SLC24A2: variants seen among roughly 807,000 people sequenced by gnomAD.
SLC24A2 encodes sodium/potassium/calcium exchanger 2.
Under a neutral mutation model 62.0 loss-of-function variants are expected in SLC24A2, and 36 were observed. The ratio of observed to expected loss-of-function variants is 0.58; its 90% CI spans 0.44 to 0.77. The LOEUF is 0.77. Among genes scored for constraint, SLC24A2 ranks in the 30% least tolerant of loss-of-function variants. The pLI is 0.00. For missense variants in SLC24A2, 846 were observed against 817.9 expected (o/e 1.03, Z -0.42); for synonymous variants, 358 against 294.0 (o/e 1.22, Z -2.23).
chr9:19,707,933 G>C (rs1364635564), intron 2 of SLC24A2, among the ~76,000 whole-genome samples: 4 of 152,034 alleles, frequency 2.6e-5, no homozygotes, highest in Non-Finnish European at 5.9e-5. Flanking sequence ...GGAAATAAAG[G>C]GTATTCAATT....
rs1479998492 is a variant in SLC24A2 at position 19,665,473 on chromosome 9, C to T, written c.931-43174G>A. Reference sequence around the variant, plus strand: ...GAAGTTTATCATGATTGATCTAAACCTAATAGACTTCAATTGAAATGCATT... The same window carrying T: ...GAAGTTTATCATGATTGATCTAAACTTAATAGACTTCAATTGAAATGCATT... On this transcript the variant is annotated intron_variant, in intron 2 of 10. Transcript: ENST00000341998. Among the ~76,000 whole-genome samples the T allele has an allele frequency of 2.6e-5, 4 of 152,028 alleles. No homozygotes were observed. In the South Asian group the frequency reaches 6.2e-4, roughly 24 times the overall value.
chr9:19,517,516 C>T (rs1832988582), intron 10 of SLC24A2, among the ~76,000 whole-genome samples: 2 of 152,158 alleles, frequency 1.3e-5, no homozygotes, highest in Non-Finnish European at 1.5e-5. Flanking sequence ...AGGCAGAGCC[C>T]GTGCATTGTG....
intron 2 of SLC24A2, among the ~76,000 whole-genome samples, chr9:19,654,927 T>C (rs1022599638): frequency 2.0e-5 from 3 of 152,194 alleles, no homozygotes; most frequent in African/African-American, 7.2e-5. Context: ...ATGTGAGTGA[T>C]CATGCCCTCA....
chr9:19,831,715 G>C, the SLC24A2 span, among the ~76,000 whole-genome samples: 1 of 152,054 alleles, frequency 6.6e-6, no homozygotes, highest in African/African-American at 2.4e-5. Context: ...AAAGACTTCT[G>C]GTAGTGAGAA....
chr9:20,247,284 T>TA, the SLC24A2 span, among the ~76,000 whole-genome samples: 2 of 152,140 alleles, frequency 1.3e-5, no homozygotes, highest in Non-Finnish European at 2.9e-5. Context: ...CTATCATCCT[T>TA]ACGTAAGCAT....
At chr9:19,623,241 A>T (rs1474611618) in intron 2 of SLC24A2, among the ~76,000 whole-genome samples, 6 of 152,110 alleles carry the variant, frequency 3.9e-5, no homozygotes, top group Non-Finnish European at 8.8e-5. Flanking sequence ...CACCTTCGTC[A>T]CTTCACCTCA....
At chr9:19,829,810 T>TACACAC in the SLC24A2 span, among the ~76,000 whole-genome samples, 50 of 34,142 alleles carry the variant, frequency 1.5e-3, no homozygotes, top group Admixed American at 4.7e-3. Context: ...TATATATATA[T>TACACAC]ACACACACAC....
chr9:20,233,108 T>A, the SLC24A2 span, among the ~76,000 whole-genome samples: 2 of 152,196 alleles, frequency 1.3e-5, no homozygotes, highest in Admixed American at 6.5e-5. Flanking sequence ...TTATAATTTC[T>A]GTTCTTTTAC....
At chr9:19,799,146 C>T in the SLC24A2 span, among the ~76,000 whole-genome samples, 1 of 151,978 alleles carries the variant, frequency 6.6e-6, no homozygotes, top group East Asian at 1.9e-4. Flanking sequence ...TTCTTATATT[C>T]AATTTCTTTT....
At chr9:19,956,314 G>A in the SLC24A2 span, among the ~76,000 whole-genome samples, 3 of 152,166 alleles carry the variant, frequency 2.0e-5, no homozygotes, top group Admixed American at 2.0e-4. Context: ...AGCGCTACAG[G>A]CATCAAGAAG....
At chr9:20,088,458 G>T in the SLC24A2 span, among the ~76,000 whole-genome samples, 5 of 152,184 alleles carry the variant, frequency 3.3e-5, no homozygotes, top group African/African-American at 1.2e-4. Context: ...TTTTATGTGT[G>T]TCCCAGATCC....
At chr9:19,521,161 C>G in intron 9 of SLC24A2, 101 bp from the exon 10 acceptor site, 1 of 1,020,234 alleles carries the variant, frequency 9.8e-7, no homozygotes, top group Non-Finnish European at 1.5e-6. Flanking sequence ...CATTTCTATA[C>G]TGTGCTATGC....
intron 4 of SLC24A2, among the ~76,000 whole-genome samples, chr9:19,612,394 G>A (rs1422753829): frequency 6.6e-6 from 1 of 152,122 alleles, no homozygotes; most frequent in Non-Finnish European, 1.5e-5. Flanking sequence ...TGCCCAGGCT[G>A]CTCTTGTACT....
At chr9:20,257,079 C>T in the SLC24A2 span, among the ~76,000 whole-genome samples, 1 of 152,030 alleles carries the variant, frequency 6.6e-6, no homozygotes, top group Non-Finnish European at 1.5e-5. Flanking sequence ...ACTTTCAGCT[C>T]GTGTAAATGA....
the SLC24A2 span, among the ~76,000 whole-genome samples, chr9:20,029,585 G>T: frequency 1.4e-4 from 21 of 152,234 alleles, no homozygotes; most frequent in East Asian, 3.3e-3. Flanking sequence ...GATCTCAATG[G>T]AAAACAACCA....
chr9:20,099,455 G>C, the SLC24A2 span, among the ~76,000 whole-genome samples: 1 of 152,122 alleles, frequency 6.6e-6, no homozygotes, highest in African/African-American at 2.4e-5. Context: ...TTGTTCACCA[G>C]ACTGATGAAA....
At chr9:20,015,688 T>G in the SLC24A2 span, among the ~76,000 whole-genome samples, 1 of 152,242 alleles carries the variant, frequency 6.6e-6, no homozygotes, top group Non-Finnish European at 1.5e-5. Flanking sequence ...CCACCCACTT[T>G]CTGTCTTCTC....
chr9:20,144,472 G>C, the SLC24A2 span, among the ~76,000 whole-genome samples: 4 of 152,062 alleles, frequency 2.6e-5, no homozygotes, highest in African/African-American at 9.7e-5. Context: ...CTTTCCTGTC[G>C]GGCTGTTTAT....
chr9:19,596,327 C>T (rs1406850866), intron 5 of SLC24A2, among the ~76,000 whole-genome samples: 1 of 152,130 alleles, frequency 6.6e-6, no homozygotes, highest in Non-Finnish European at 1.5e-5. Flanking sequence ...GGTACCTTTC[C>T]ATTTCTTGTC....
Sources: gnomAD v4.1 joint callset for allele counts (sites outside exome capture counted in the v4.1 genomes callset) on GRCh38, gnomAD v4.1.1 for gene constraint, MANE v1.5 for transcripts, NCBI Gene and HGNC (gene_info 2026-07-23, HGNC 2026-07-21) for gene names.